Variants in CERS3 observed in about 807,000 individuals in gnomAD.
CERS3 encodes the protein ceramide synthase 3.
Under a neutral mutation model 50.3 loss-of-function variants are expected in CERS3, and 33 were observed. That is an observed-to-expected ratio of 0.66 (90% CI 0.50 to 0.88). CERS3 has a LOEUF of 0.88. Ranked by LOEUF, CERS3 falls within the 40% of genes least tolerant of loss-of-function variation. The pLI is 0.00. For synonymous variants in CERS3, 176 were observed against 155.2 expected, an observed-to-expected ratio of 1.13 and a Z score of -0.99; for missense variants, 470 against 460.3, an observed-to-expected ratio of 1.02 and a Z score of -0.19.
intron 11 of CERS3, among the ~76,000 whole-genome samples, chr15:100,435,068 T>C (rs2033334906): frequency 6.6e-6 from 1 of 152,170 alleles, no homozygotes; most frequent in Non-Finnish European, 1.5e-5. Context: ...ATCCCACAGA[T>C]ATCAATGCCG....
chr15:100,468,889 GT>G (rs1223783914), intron 10 of CERS3, among the ~76,000 whole-genome samples: 1 of 152,134 alleles, frequency 6.6e-6, no homozygotes, highest in Non-Finnish European at 1.5e-5. Context: ...ACAAGTATCA[GT>G]TTTCCTTATC....
chr15:100,403,300 T>G (rs2030704402), intron 11 of CERS3, among the ~76,000 whole-genome samples: 1 of 152,080 alleles, frequency 6.6e-6, no homozygotes, highest in Non-Finnish European at 1.5e-5. Flanking sequence ...CATGTTTATA[T>G]TCAATAAGAA....
chr15:100,510,936 C>G (rs1042928599), intron 2 of CERS3, among the ~76,000 whole-genome samples: 4 of 152,112 alleles, frequency 2.6e-5, no homozygotes, highest in African/African-American at 9.7e-5. Flanking sequence ...TAAACAAGAG[C>G]TATGGTTTGT....
chr15:100,486,885 T>G (rs1057269805), intron 4 of CERS3, among the ~76,000 whole-genome samples: 2 of 152,226 alleles, frequency 1.3e-5, no homozygotes, highest in Admixed American at 1.3e-4. Flanking sequence ...TTAGAACAAC[T>G]CAATTTTATT....
At chr15:100,513,589 G>A (rs2036412445) in intron 2 of CERS3, among the ~76,000 whole-genome samples, 1 of 150,600 alleles carries the variant, frequency 6.6e-6, no homozygotes, top group African/African-American at 2.4e-5. Context: ...CCAGGCTGGA[G>A]TTTAGTGGCA....
At chr15:100,441,186 C>T (rs182050050) in intron 11 of CERS3, among the ~76,000 whole-genome samples, 64 of 152,130 alleles carry the variant, frequency 4.2e-4, no homozygotes, top group South Asian at 8.3e-4. Context: ...TGCACCCCGA[C>T]CTCTTATCTC....
At chr15:100,512,171 G>A (rs2036362971) in intron 2 of CERS3, among the ~76,000 whole-genome samples, 1 of 152,182 alleles carries the variant, frequency 6.6e-6, no homozygotes, top group Non-Finnish European at 1.5e-5. Context: ...TTGAAGCTTG[G>A]GCCAGTTGTC....
intron 2 of CERS3, among the ~76,000 whole-genome samples, chr15:100,508,535 C>G (rs1399140046): frequency 6.6e-6 from 1 of 152,206 alleles, no homozygotes; most frequent in African/African-American, 2.4e-5. Flanking sequence ...TAAAACCCCA[C>G]ATGTCACTGC....
At chr15:100,467,780 TAC>T (rs56374001) in intron 10 of CERS3, among the ~76,000 whole-genome samples, 14,401 of 130,608 alleles carry the variant, frequency 0.11, 1,029 homozygotes, top group Non-Finnish European at 0.15. Context: ...TATATATATA[TAC>T]ACACATATAT....
At chr15:100,506,866 G>T (rs2036201084) in intron 2 of CERS3, among the ~76,000 whole-genome samples, 1 of 152,132 alleles carries the variant, frequency 6.6e-6, no homozygotes, top group Admixed American at 6.6e-5. Flanking sequence ...ATGTGGTGTT[G>T]GTTGCACAAT....
chr15:100,423,980 T>C (rs1370999717), intron 11 of CERS3, among the ~76,000 whole-genome samples: 1 of 151,884 alleles, frequency 6.6e-6, no homozygotes, highest in Non-Finnish European at 1.5e-5. Context: ...TTGCTCTTGT[T>C]GCCCAGGCTG....
intron 4 of CERS3, among the ~76,000 whole-genome samples, 197 bp downstream of exon 4, chr15:100,490,620 A>G (rs2035621404): frequency 6.6e-6 from 1 of 152,208 alleles, no homozygotes; most frequent in Admixed American, 6.5e-5. Flanking sequence ...AATATTTGTT[A>G]TTTTATATTA....
chr15:100,404,834 T>C (rs1044407383), intron 11 of CERS3, among the ~76,000 whole-genome samples: 4 of 152,214 alleles, frequency 2.6e-5, no homozygotes, highest in Admixed American at 2.0e-4. Flanking sequence ...ATATGGCTGA[T>C]TGAATTTTTA....
intron 7 of CERS3, among the ~76,000 whole-genome samples, chr15:100,477,325 T>A (rs2035161396): frequency 6.6e-6 from 1 of 152,186 alleles, no homozygotes; most frequent in African/African-American, 2.4e-5. Flanking sequence ...ATGCTGAGGC[T>A]AACGTATAAC....
At chr15:100,456,580 GT>G (rs2034379705) in intron 10 of CERS3, among the ~76,000 whole-genome samples, 1 of 152,176 alleles carries the variant, frequency 6.6e-6, no homozygotes, top group African/African-American at 2.4e-5. Flanking sequence ...TGCTTTATTA[GT>G]TTCATAAACA....
intron 3 of CERS3, among the ~76,000 whole-genome samples, chr15:100,495,034 C>G (rs12913650): frequency 0.094 from 14,266 of 152,272 alleles, 911 homozygotes; most frequent in East Asian, 0.34. Context: ...TTGTTTTAGA[C>G]AAACACCCTC....
intron 11 of CERS3, among the ~76,000 whole-genome samples, chr15:100,435,753 C>T (rs143907172): frequency 0.016 from 2,372 of 152,254 alleles, 47 homozygotes; most frequent in Non-Finnish European, 0.019. Context: ...CCAGAATCTA[C>T]AATGAACTTA....
chr15:100,489,743 C>T (rs1293508004), intron 4 of CERS3, among the ~76,000 whole-genome samples: 5 of 152,028 alleles, frequency 3.3e-5, no homozygotes, highest in Non-Finnish European at 7.4e-5. Flanking sequence ...TCATTTAAAG[C>T]ACATGGGAAT....
intron 1 of CERS3, among the ~76,000 whole-genome samples, chr15:100,525,673 G>A (rs947772160): frequency 1.3e-5 from 2 of 151,976 alleles, no homozygotes; most frequent in African/African-American, 4.8e-5. Context: ...TGCCAATTGG[G>A]GTTTTTATAC....
Sources: gnomAD v4.1 joint callset for allele counts (sites outside exome capture counted in the v4.1 genomes callset) on GRCh38, gnomAD v4.1.1 for gene constraint, MANE v1.5 for transcripts, NCBI Gene and HGNC (gene_info 2026-07-23, HGNC 2026-07-21) for gene names.